The following TNR variants were observed in gnomAD, a reference collection of about 807,000 sequenced individuals.
The protein encoded by TNR is tenascin-R.
TNR carries 45 observed loss-of-function variants against 150.4 expected under a neutral mutation model. The observed-to-expected ratio is 0.30, with a 90% CI of 0.24 to 0.38. The LOEUF (loss-of-function observed/expected upper bound fraction) is 0.38. Among genes scored for constraint, TNR ranks in the 10% least tolerant of loss-of-function variants. TNR has a pLI of 1.00. For synonymous variants in TNR, 687 were observed against 678.4 expected, an observed-to-expected ratio of 1.01 and a Z score of -0.20; for missense variants, 1,544 against 1,759.1, an observed-to-expected ratio of 0.88 and a Z score of 2.19.
intron 1 of TNR, among the ~76,000 whole-genome samples, chr1:175,708,018 TTG>T (rs10676470): frequency 0.65 from 93,797 of 144,484 alleles, 31,303 homozygotes; most frequent in Non-Finnish European, 0.74. Context: ...ATGTGTGTGT[TTG>T]TGTGTGTGTG....
chr1:175,685,455 T>TA (rs1558072336), intron 1 of TNR, among the ~76,000 whole-genome samples: 1 of 152,162 alleles, frequency 6.6e-6, no homozygotes, highest in Non-Finnish European at 1.5e-5. Context: ...TTCCACCAGT[T>TA]AGAGAACTGT....
At chr1:175,729,406 G>A (rs1263810856) in intron 1 of TNR, among the ~76,000 whole-genome samples, 5 of 145,514 alleles carry the variant, frequency 3.4e-5, no homozygotes, top group East Asian at 2.0e-4. Context: ...CAAGTTTCTG[G>A]TGTAAGGCCT....
intron 1 of TNR, among the ~76,000 whole-genome samples, chr1:175,569,571 G>C (rs1169619981): frequency 1.3e-5 from 2 of 152,150 alleles, no homozygotes; most frequent in Admixed American, 6.5e-5. Context: ...TGAAATTTGT[G>C]GTTTTTGCAG....
intron 1 of TNR, among the ~76,000 whole-genome samples, chr1:175,740,010 A>C (rs1278132834): frequency 6.6e-6 from 1 of 152,218 alleles, no homozygotes; most frequent in Non-Finnish European, 1.5e-5. Flanking sequence ...GTTTCTGTTC[A>C]CATTTGATTG....
chr1:175,603,142 ACC>A (rs1410780457), intron 1 of TNR, among the ~76,000 whole-genome samples: 1 of 152,204 alleles, frequency 6.6e-6, no homozygotes, highest in Non-Finnish European at 1.5e-5. Flanking sequence ...AAAGTGATTT[ACC>A]CAAGGTCCAC....
intron 2 of TNR, among the ~76,000 whole-genome samples, chr1:175,488,208 T>C (rs1005244207): frequency 5.9e-5 from 9 of 152,214 alleles, no homozygotes; most frequent in Non-Finnish European, 2.9e-5. Context: ...CCCGGAAACA[T>C]GCACTGCATC....
rs74873626 is a variant in TNR at position 175,706,986 on chromosome 1, C to T, written c.-165+36240G>A. On this transcript the variant is annotated intron_variant, in intron 1 of 22. Transcript: ENST00000367674. ...GCAACCATGAGTGGTGAGAAGCTTA[C>T]GGTGATATGACCTCATTGGTATTGC... 8.8e-3 allele frequency among the ~76,000 whole-genome samples: 1,347 copies of T among 152,212 alleles called. 27 individuals carry two copies. Among genetic ancestry groups the T allele is most frequent in the African/African-American group, 0.031 (1,273 of 41,518 alleles).
In TNR at chr1:175,386,068, T is replaced by C; in HGVS notation, c.1741A>G (p.Asn581Asp). ...TGAGTGGTGGCAGAATCGCTCTCGT[T>C]GGTCCCTCGGACGGCACTGACTGAC... ...EVSVSAVRGT[N>D]ESDSATTQFT... The change falls in exon 8 of 23, where the codon AAC becomes GAC. Residue 581 changes from asparagine (N) to aspartate (D), a missense_variant. This residue lies in a region of TNR where 1,254 missense variants were observed against 1,329.4 expected (regional missense o/e 0.94). Coordinates refer to ENST00000367674, the MANE Select transcript of TNR (RefSeq NM_003285.3). 6.2e-7 allele frequency: 1 copy of C among 1,606,388 alleles called. No individual in the cohort carries two copies. Among genetic ancestry groups the C allele is most frequent in the Non-Finnish European group, 8.5e-7 (1 of 1,174,778 alleles).
intron 1 of TNR, among the ~76,000 whole-genome samples, chr1:175,729,418 T>A (rs975325701): frequency 5.3e-5 from 8 of 150,526 alleles, no homozygotes; most frequent in Non-Finnish European, 8.9e-5. Context: ...GTAAGGCCTC[T>A]CTCTCTCTCT....
At chr1:175,614,370 C>T (rs1042508613) in intron 1 of TNR, among the ~76,000 whole-genome samples, 1 of 152,092 alleles carries the variant, frequency 6.6e-6, no homozygotes, top group Admixed American at 6.6e-5. Context: ...TCTTTCCTTT[C>T]CTCTCCCACC....
At chr1:175,714,729 G>T (rs1667108425) in intron 1 of TNR, among the ~76,000 whole-genome samples, 1 of 152,234 alleles carries the variant, frequency 6.6e-6, no homozygotes, top group South Asian at 2.1e-4. Flanking sequence ...AATTCATCAG[G>T]GCCTCAACTG....
intron 18 of TNR, among the ~76,000 whole-genome samples, chr1:175,353,857 T>A (rs1000509261): frequency 3.3e-5 from 5 of 151,824 alleles, no homozygotes; most frequent in East Asian, 1.9e-4. Context: ...ATTTATTTTT[T>A]TTTTTTGAGA....
At chr1:175,504,099 C>G (rs1361726354) in intron 2 of TNR, among the ~76,000 whole-genome samples, 1 of 152,096 alleles carries the variant, frequency 6.6e-6, no homozygotes, top group Non-Finnish European at 1.5e-5. Context: ...AATGATGAGG[C>G]TGGTCCTAGA....
intron 2 of TNR, among the ~76,000 whole-genome samples, chr1:175,468,624 G>T (rs1657137866): frequency 6.6e-6 from 1 of 152,136 alleles, no homozygotes; most frequent in Non-Finnish European, 1.5e-5. Context: ...AGACCAAGGG[G>T]ATACCTATGT....
chr1:175,474,280 C>A (rs1657425615), intron 2 of TNR, among the ~76,000 whole-genome samples: 1 of 152,110 alleles, frequency 6.6e-6, no homozygotes. Flanking sequence ...AAAGAGATGA[C>A]TAAGTTCAAA....
chr1:175,473,373 C>A (rs1657380264), intron 2 of TNR, among the ~76,000 whole-genome samples: 1 of 152,184 alleles, frequency 6.6e-6, no homozygotes, highest in Admixed American at 6.5e-5. Flanking sequence ...CGGACATCAT[C>A]TTGAATTTTA....
intron 4 of TNR, among the ~76,000 whole-genome samples, chr1:175,402,112 C>G (rs1424505476): frequency 6.6e-6 from 1 of 151,128 alleles, no homozygotes; most frequent in African/African-American, 2.4e-5. Flanking sequence ...TCGAGACCAT[C>G]CTGGCTAACA....
chr1:175,550,540 G>A (rs1571594684), intron 1 of TNR, among the ~76,000 whole-genome samples: 1 of 151,484 alleles, frequency 6.6e-6, no homozygotes, highest in East Asian at 1.9e-4. Flanking sequence ...CCTTGGGAAG[G>A]AGACTGGAAC....
intron 9 of TNR, among the ~76,000 whole-genome samples, chr1:175,376,281 T>C (rs985904447): frequency 6.6e-6 from 1 of 152,218 alleles, no homozygotes; most frequent in South Asian, 2.1e-4. Context: ...TCTTCACCAC[T>C]GTCATCCACT....
Sources: gnomAD v4.1 joint callset for allele counts (sites outside exome capture counted in the v4.1 genomes callset) on GRCh38, gnomAD v4.1.1 for gene constraint, gnomAD v4.1.1 regional missense constraint, MANE v1.5 for transcripts, NCBI Gene and HGNC (gene_info 2026-07-23, HGNC 2026-07-21) for gene names.